Variants in DIAPH2 observed in about 807,000 individuals in gnomAD.
The protein encoded by DIAPH2 is diaphanous related formin 2.
Under a neutral mutation model 92.7 loss-of-function variants are expected in DIAPH2, and 35 were observed. The ratio of observed to expected loss-of-function variants is 0.38; its 90% CI spans 0.29 to 0.50. The LOEUF (loss-of-function observed/expected upper bound fraction) is 0.50. Among genes scored for constraint, DIAPH2 ranks in the 20% least tolerant of loss-of-function variants. DIAPH2 has a pLI of 0.94. For synonymous variants in DIAPH2, 301 were observed against 280.4 expected, an observed-to-expected ratio of 1.07 and a Z score of -0.73; for missense variants, 701 against 819.5, an observed-to-expected ratio of 0.86 and a Z score of 1.77.
At chrX:96,819,548 T>G (rs760909663) in intron 4 of DIAPH2, among the ~76,000 whole-genome samples, 2 of 112,119 alleles carry the variant, frequency 1.8e-5, no homozygotes, top group Non-Finnish European at 3.8e-5. Flanking sequence ...AGTTGAGCCA[T>G]TTTTCCATTA....
chrX:96,892,290 G>A (rs1052716469), intron 5 of DIAPH2, among the ~76,000 whole-genome samples: 1 of 112,001 alleles, frequency 8.9e-6, no homozygotes. Flanking sequence ...AAAATTGTGA[G>A]CACATCTCAT....
chrX:97,025,017 G>A (rs2066322032), intron 17 of DIAPH2, among the ~76,000 whole-genome samples: 1 of 111,860 alleles, frequency 8.9e-6, no homozygotes, highest in Non-Finnish European at 1.9e-5. Flanking sequence ...ATCATGTTAG[G>A]TTTTATGAAG....
chrX:97,539,472 C>T (rs1304920683), intron 26 of DIAPH2, among the ~76,000 whole-genome samples: 1 of 111,806 alleles, frequency 8.9e-6, no homozygotes, highest in African/African-American at 3.2e-5. Context: ...AATTGGAATT[C>T]GCTTGAGTTT....
intron 26 of DIAPH2, among the ~76,000 whole-genome samples, chrX:97,520,370 A>G (rs759476797): frequency 6.2e-5 from 7 of 112,204 alleles, no homozygotes; most frequent in Non-Finnish European, 1.3e-4. Flanking sequence ...TGAATTTTAC[A>G]TTCTATATTG....
At chrX:97,321,285 T>C (rs985379605) in intron 23 of DIAPH2, among the ~76,000 whole-genome samples, 3 of 110,872 alleles carry the variant, frequency 2.7e-5, no homozygotes, top group Non-Finnish European at 5.7e-5. Flanking sequence ...ATAGCATTAC[T>C]GTGCAGTAGA....
intron 22 of DIAPH2, among the ~76,000 whole-genome samples, chrX:97,214,925 C>A (rs946366124): frequency 1.8e-4 from 19 of 105,299 alleles, no homozygotes; most frequent in Non-Finnish European, 3.3e-4. Context: ...TTGAGTTAGA[C>A]AGAGTTTTTT....
At chrX:97,388,813 A>G (rs1323065333) in intron 25 of DIAPH2, among the ~76,000 whole-genome samples, 1 of 111,737 alleles carries the variant, frequency 8.9e-6, no homozygotes, top group Non-Finnish European at 1.9e-5. Context: ...AAACCTTTTC[A>G]TGTTAAAATA....
At chrX:97,455,847 T>C (rs2070399133) in intron 26 of DIAPH2, among the ~76,000 whole-genome samples, 1 of 112,177 alleles carries the variant, frequency 8.9e-6, no homozygotes, top group African/African-American at 3.2e-5. Context: ...CATATGCCTC[T>C]GCTATTCTTC....
At chrX:96,736,085 C>T (rs923332499) in intron 2 of DIAPH2, among the ~76,000 whole-genome samples, 1 of 110,813 alleles carries the variant, frequency 9.0e-6, no homozygotes, top group African/African-American at 3.3e-5. Flanking sequence ...TTTTGATGGC[C>T]AAATAAATTG....
intron 23 of DIAPH2, among the ~76,000 whole-genome samples, chrX:97,305,617 C>G (rs780881150): frequency 9.2e-6 from 1 of 108,598 alleles, no homozygotes; most frequent in Non-Finnish European, 1.9e-5. Context: ...GTCAGGAGTT[C>G]GAGACCAACC....
At chrX:97,235,692 C>T (rs970172862) in intron 22 of DIAPH2, among the ~76,000 whole-genome samples, 1 of 109,532 alleles carries the variant, frequency 9.1e-6, no homozygotes, top group Middle Eastern at 4.3e-3. Context: ...TAAGGTGAAA[C>T]CCAAATTCCT....
At chrX:97,369,356 G>A (rs762908753) in intron 24 of DIAPH2, among the ~76,000 whole-genome samples, 30 of 111,011 alleles carry the variant, frequency 2.7e-4, no homozygotes, top group South Asian at 7.8e-4. Flanking sequence ...TTGTAGTGAT[G>A]GTTAGTGAAG....
chrX:97,425,352 G>A (rs1479376893), intron 25 of DIAPH2, among the ~76,000 whole-genome samples: 1 of 111,986 alleles, frequency 8.9e-6, no homozygotes. Flanking sequence ...GTACATCATG[G>A]TAACAGTAGT....
chrX:97,194,160 A>C (rs1037914745), intron 22 of DIAPH2, among the ~76,000 whole-genome samples: 2 of 111,317 alleles, frequency 1.8e-5, no homozygotes, highest in Non-Finnish European at 3.8e-5. Context: ...CATTTGCTCC[A>C]TATCTCTGCT....
At chrX:96,823,256 T>C (rs1043703999) in intron 4 of DIAPH2, among the ~76,000 whole-genome samples, 1 of 111,513 alleles carries the variant, frequency 9.0e-6, no homozygotes, top group Non-Finnish European at 1.9e-5. Context: ...ATTGTCCTAA[T>C]GAAGCAGATG....
chrX:97,570,123 T>TAGA (rs1569426253), intron 26 of DIAPH2, among the ~76,000 whole-genome samples: 1 of 18,536 alleles, frequency 5.4e-5, no homozygotes, highest in African/African-American at 1.6e-4. Flanking sequence ...TATATATATA[T>TAGA]TAGAAGATAG....
At chrX:97,049,090 G>A (rs1308703963) in intron 17 of DIAPH2, among the ~76,000 whole-genome samples, 3 of 110,796 alleles carry the variant, frequency 2.7e-5, no homozygotes, top group African/African-American at 9.8e-5. Flanking sequence ...CATTAAAAAT[G>A]TAATTAGGGC....
chrX:97,075,137 T>C (rs1602323255), intron 18 of DIAPH2, 30 bp from the exon 19 acceptor site: 1 of 991,477 alleles, frequency 1.0e-6, no homozygotes, highest in Non-Finnish European at 1.4e-6. Flanking sequence ...GATGCTGTTA[T>C]ACTTTTAATA....
At chrX:97,282,735 AC>A (rs1247418457) in intron 23 of DIAPH2, among the ~76,000 whole-genome samples, 1 of 111,869 alleles carries the variant, frequency 8.9e-6, no homozygotes, top group Non-Finnish European at 1.9e-5. Flanking sequence ...TTGCTTTTTG[AC>A]AATTTCTACC....
Sources: allele counts gnomAD v4.1 joint callset (sites outside exome capture counted in the v4.1 genomes callset), GRCh38; gene constraint gnomAD v4.1.1; transcripts MANE v1.5; gene names NCBI Gene and HGNC (gene_info 2026-07-23, HGNC 2026-07-21).